The following XRRA1 variants were observed in gnomAD, a reference collection of about 807,000 sequenced individuals.
The protein encoded by XRRA1 is X-ray radiation resistance associated 1, also known as X-ray radiation resistance-associated protein 1.
XRRA1 carries 69 observed loss-of-function variants against 80.2 expected under a neutral mutation model. That is an observed-to-expected ratio of 0.86 (90% CI 0.71 to 1.05). The LOEUF (loss-of-function observed/expected upper bound fraction) is 1.05, where lower values mean the gene tolerates loss of function less well. Among genes scored for constraint, XRRA1 ranks in the 50% least tolerant of loss-of-function variants. XRRA1 has a pLI of 0.00. For synonymous variants in XRRA1, 348 were observed against 389.9 expected (o/e 0.89, Z 1.27); for missense variants, 967 against 976.4 (o/e 0.99, Z 0.13).
intron 12 of XRRA1, among the ~76,000 whole-genome samples, chr11:74,857,057 A>G (rs1263383152): frequency 6.6e-6 from 1 of 152,008 alleles, no homozygotes; most frequent in Non-Finnish European, 1.5e-5. Flanking sequence ...TTTGGCACCT[A>G]CCACCACTTG....
Position 74,949,022 on chromosome 11 carries a change from A to C in XRRA1, c.-167T>G, listed in dbSNP as rs1364846954. ...CCTGCGAGCCCCCCGGGGATCTCGG[A>C]GCCGCTCCACTGCGGTGCCTGCCGC... On this transcript the variant is annotated 5_prime_UTR_variant, in exon 1 of 19. Transcript: ENST00000684022. 1 of 342,068 alleles carries C rather than the reference A, an allele frequency of 2.9e-6. No homozygotes were observed. The highest frequency in any genetic ancestry group is 2.2e-5 in the African/African-American group (1 of 45,982). 21.2% of individuals were successfully genotyped at this position (342,068 alleles called of 1,614,324 possible). A position where few individuals can be genotyped will look rare whatever the true frequency, so the allele number is the denominator to read the frequency against.
Position 74,859,246 on chromosome 11 carries a change from A to C in XRRA1, c.1082T>G (p.Ile361Ser). The change falls in exon 12 of 19, where the codon ATC (isoleucine) becomes AGC (serine). Residue 361 changes from isoleucine to serine, a missense_variant. By Grantham distance (142) the Ile-to-Ser change is moderately radical. Transcript: ENST00000684022. ...KICSLPPIFE[I>S]LPVKSLKARN... ...GGCCTTCAGTGACTTCACAGGAAGGATCTCGAATATGGGAGGAAGTGAACA... is the reference window on the plus strand; with the variant it reads ...GGCCTTCAGTGACTTCACAGGAAGGCTCTCGAATATGGGAGGAAGTGAACA... 1 of 1,610,322 alleles carries C rather than the reference A, an allele frequency of 6.2e-7. No homozygotes were observed.
chr11:74,914,740 G>A (rs1307425517), intron 8 of XRRA1, among the ~76,000 whole-genome samples: 1 of 117,966 alleles, frequency 8.5e-6, no homozygotes, highest in Non-Finnish European at 1.7e-5. Flanking sequence ...ACAATTTCTT[G>A]CTTACTAGTG....
At chr11:74,878,934 C>T (rs1222202606) in intron 10 of XRRA1, among the ~76,000 whole-genome samples, 3 of 151,782 alleles carry the variant, frequency 2.0e-5, no homozygotes, top group Admixed American at 2.0e-4. Context: ...TTAGGATTGA[C>T]TTGGCGATGT....
At chr11:74,891,183 C>G (rs952859875) in intron 10 of XRRA1, among the ~76,000 whole-genome samples, 1 of 152,174 alleles carries the variant, frequency 6.6e-6, no homozygotes, top group Non-Finnish European at 1.5e-5. Context: ...AATCCAGCAG[C>G]ACATCAAAAA....
At chr11:74,908,473 C>T (rs970790981) in intron 8 of XRRA1, among the ~76,000 whole-genome samples, 2 of 152,164 alleles carry the variant, frequency 1.3e-5, no homozygotes, top group African/African-American at 4.8e-5. Context: ...CAAAGGTTGG[C>T]AGTGAGTTCA....
intron 16 of XRRA1, among the ~76,000 whole-genome samples, chr11:74,844,657 G>A (rs1386873412): frequency 6.6e-6 from 1 of 152,240 alleles, no homozygotes; most frequent in African/African-American, 2.4e-5. Flanking sequence ...TTAACACAGA[G>A]ATGAAGCTGC....
intron 10 of XRRA1, among the ~76,000 whole-genome samples, chr11:74,893,365 A>G (rs1368620954): frequency 2.8e-5 from 4 of 141,418 alleles, no homozygotes; most frequent in Admixed American, 7.1e-5. Flanking sequence ...ATGAGAACAC[A>G]TGGACACAGG....
At chr11:74,937,336 C>G (rs1591601402) in intron 3 of XRRA1, among the ~76,000 whole-genome samples, 1 of 152,130 alleles carries the variant, frequency 6.6e-6, no homozygotes, top group Middle Eastern at 3.2e-3. Flanking sequence ...TGCCGAATTC[C>G]TTCCTTCACA....
In XRRA1 at chr11:74,940,870, G is replaced by A. The variant is rs75258704; in HGVS notation, c.9C>T (p.Phe3=). The A allele has an allele frequency of 1.2e-6, 2 of 1,607,300 alleles. No individual in the cohort carries two copies. The highest frequency in any genetic ancestry group is 1.3e-5 in the African/African-American group (1 of 74,902). ...CATCATCCAGCTTGTAGATTCCTGAGAAGGCCATCTCCCTGAGAGCCAGGC... is the reference window on the plus strand; with the variant it reads ...CATCATCCAGCTTGTAGATTCCTGAAAAGGCCATCTCCCTGAGAGCCAGGC... MA[F]SGIYKLDDGK... is the part of the protein sequence containing the mutation. Residue 3 remains phenylalanine, a synonymous_variant, in exon 3 of 19, where the codon TTC becomes TTT. Transcript: ENST00000684022.
chr11:74,943,910 C>T (rs138591296), intron 2 of XRRA1, among the ~76,000 whole-genome samples: 11 of 152,242 alleles, frequency 7.2e-5, no homozygotes, highest in African/African-American at 2.6e-4. Flanking sequence ...TAGCCTCAAC[C>T]TCCTGGGCTC....
At chr11:74,918,455 G>A (rs1234758979) in intron 8 of XRRA1, among the ~76,000 whole-genome samples, 1 of 152,134 alleles carries the variant, frequency 6.6e-6, no homozygotes. Flanking sequence ...GTAACTGATG[G>A]AACTGTGTCT....
In XRRA1 at chr11:74,943,524, G is replaced by GGAGTGTGTGTGTGTGTGTGTGT. The variant is rs1330173160; in HGVS notation, c.-5+1493_-5+1494insACACACACACACACACACACTC. On this transcript the variant is annotated intron_variant, in intron 2 of 18. Transcript: ENST00000684022. ...GGAGGCGAGGGGAAGAGAGTAGGAGGGTGTGTGTGTGTGTGTGTGTGTGTG... is the reference window on the plus strand; with the variant it reads ...GGAGGCGAGGGGAAGAGAGTAGGAGGGAGTGTGTGTGTGTGTGTGTGTGTGTGTGTGTGTGTGTGTGTGTGTG... 5.8e-5 allele frequency among the ~76,000 whole-genome samples: 8 copies of GGAGTGTGTGTGTGTGTGTGTGT among 137,762 alleles called. No individual in the cohort carries two copies. The Admixed American group carries it at 6.2e-4, about 11-fold the overall frequency. 90.4% of individuals were successfully genotyped at this position (137,762 alleles called of 152,430 possible).
intron 8 of XRRA1, among the ~76,000 whole-genome samples, chr11:74,912,937 T>C (rs1429321183): frequency 1.3e-5 from 2 of 152,150 alleles, no homozygotes; most frequent in Non-Finnish European, 2.9e-5. Flanking sequence ...CTTGTAAGGA[T>C]TACTAGACAG....
At chr11:74,875,761 C>T (rs77851340) in intron 10 of XRRA1, among the ~76,000 whole-genome samples, 1 of 152,142 alleles carries the variant, frequency 6.6e-6, no homozygotes, top group African/African-American at 2.4e-5. Flanking sequence ...ATCCCGGTTA[C>T]TTGGGAGGCT....
intron 10 of XRRA1, 64 bp from the exon 11 acceptor site, chr11:74,863,085 G>T: frequency 6.8e-7 from 1 of 1,461,554 alleles, no homozygotes; most frequent in South Asian, 1.2e-5. Context: ...AGAGCACCCA[G>T]GATATAGGTC....
chr11:74,874,202 C>T (rs1265564649), intron 10 of XRRA1, among the ~76,000 whole-genome samples: 1 of 133,668 alleles, frequency 7.5e-6, no homozygotes, highest in Non-Finnish European at 1.5e-5. Context: ...CGCCACTGCG[C>T]TCCAGCCTGG....
intron 10 of XRRA1, among the ~76,000 whole-genome samples, chr11:74,868,182 G>C (rs572593775): frequency 4.6e-5 from 7 of 152,244 alleles, no homozygotes; most frequent in African/African-American, 1.7e-4. Context: ...GCTTCCCAAA[G>C]TGCTAGGATT....
intron 10 of XRRA1, among the ~76,000 whole-genome samples, chr11:74,867,982 T>C (rs1471938340): frequency 7.4e-6 from 1 of 135,748 alleles, no homozygotes; most frequent in Non-Finnish European, 1.5e-5. Context: ...AGTACAATGG[T>C]GCGATCTTGG....
Sources: allele counts gnomAD v4.1 joint callset (sites outside exome capture counted in the v4.1 genomes callset), GRCh38; gene constraint gnomAD v4.1.1; transcripts MANE v1.5; gene names NCBI Gene and HGNC (gene_info 2026-07-23, HGNC 2026-07-21).